USP34: variants seen among roughly 807,000 people sequenced by gnomAD.
The protein encoded by USP34 is ubiquitin carboxyl-terminal hydrolase 34.
A neutral mutation model predicts 460.3 loss-of-function variants in USP34; 70 were observed. The ratio of observed to expected loss-of-function variants is 0.15; its 90% CI spans 0.13 to 0.19. The LOEUF is 0.19. Among genes scored for constraint, USP34 ranks in the 10% least tolerant of loss-of-function variants. The pLI is 1.00. For synonymous variants in USP34, 1,647 were observed against 1,405.3 expected (o/e 1.17, Z -3.85); for missense variants, 3,985 against 4,236.2 (o/e 0.94, Z 1.65).
intron 21 of USP34, among the ~76,000 whole-genome samples, chr2:61,323,704 CAG>C (rs1213131498): frequency 6.6e-6 from 1 of 152,056 alleles, no homozygotes; most frequent in Non-Finnish European, 1.5e-5. Context: ...TGTAAATTCT[CAG>C]AGAATCTATA....
intron 21 of USP34, among the ~76,000 whole-genome samples, chr2:61,323,913 A>T (rs1691006028): frequency 6.6e-6 from 1 of 152,110 alleles, no homozygotes; most frequent in Non-Finnish European, 1.5e-5. Context: ...CTTATTTTTG[A>T]AATCTGTTAT....
rs971138155 is a variant in USP34, at chr2:61,339,243, T to A, written c.2744+108A>T. On this transcript the variant is annotated intron_variant, in intron 18 of 79. Coordinates refer to ENST00000398571, the MANE Select transcript of USP34 (RefSeq NM_014709.4). Reference sequence around the variant, plus strand: ...CTATAATTACTAAAAAACAGATTAATACAGGTATATGAAACAGTATAAAAA... The same window carrying A: ...CTATAATTACTAAAAAACAGATTAAAACAGGTATATGAAACAGTATAAAAA... The A allele has an allele frequency of 1.2e-5, 13 of 1,082,436 alleles. No individual in the cohort carries two copies. The African/African-American group carries it at 1.8e-4, about 15-fold the overall frequency. 67.1% of individuals were successfully genotyped at this position (1,082,436 alleles called of 1,614,324 possible).
chr2:61,391,382 C>T (rs1572995822), intron 5 of USP34, among the ~76,000 whole-genome samples: 1 of 152,092 alleles, frequency 6.6e-6, no homozygotes, highest in East Asian at 1.9e-4. Flanking sequence ...GGATCATTTC[C>T]TGAGTCCCAG....
chr2:61,407,303 A>G lies in USP34; in HGVS notation c.132-1175T>C, dbSNP rs576392986. 3.4e-5 allele frequency among the ~76,000 whole-genome samples: 5 copies of G among 148,842 alleles called. No homozygotes were observed. In the South Asian group the frequency reaches 1.1e-3, roughly 31 times the overall value. On this transcript the variant is annotated intron_variant, in intron 2 of 79. Coordinates refer to ENST00000398571, the MANE Select transcript of USP34 (RefSeq NM_014709.4). Reference sequence around the variant, plus strand: ...GCTATTCGAGAGGCTTGAGCCCAGGAGGCTGAGACAGCAGTGAACCCTGAT... The same window carrying G: ...GCTATTCGAGAGGCTTGAGCCCAGGGGGCTGAGACAGCAGTGAACCCTGAT...
Position 61,283,920 on chromosome 2 carries a change from G to A in USP34, c.4833-471C>T, listed in dbSNP as rs1310654157. On this transcript the variant is annotated intron_variant, in intron 35 of 79. Coordinates refer to ENST00000398571, the MANE Select transcript of USP34 (RefSeq NM_014709.4). ...GTAGAATAATGGTTACCAGAGGCTG[G>A]AGGGTGGGGTAGGGTAGGGTGGGGT... 2.6e-5 allele frequency among the ~76,000 whole-genome samples: 4 copies of A among 151,010 alleles called. No homozygotes were observed. In the East Asian group the frequency reaches 7.9e-4, roughly 30 times the overall value.
chr2:61,286,654 CA>C (rs199528159), intron 34 of USP34, among the ~76,000 whole-genome samples: 2 of 149,578 alleles, frequency 1.3e-5, no homozygotes, highest in African/African-American at 4.9e-5. Context: ...GGCTCCGTCT[CA>C]AAAAAAAACC....
intron 5 of USP34, among the ~76,000 whole-genome samples, chr2:61,385,735 T>G (rs1693121504): frequency 6.9e-6 from 1 of 144,182 alleles, no homozygotes; most frequent in African/African-American, 2.6e-5. Context: ...GACTCAGGCC[T>G]GTAATCCTAG....
chr2:61,417,491 G>T (rs1399625780), intron 2 of USP34: 1 of 230,738 alleles, frequency 4.3e-6, no homozygotes. Context: ...ATAGTTAACT[G>T]TACCTGAGAA....
At chr2:61,253,594 C>A (rs1247919131) in intron 48 of USP34, among the ~76,000 whole-genome samples, 2 of 152,176 alleles carry the variant, frequency 1.3e-5, no homozygotes, top group African/African-American at 4.8e-5. Flanking sequence ...GGAAAACCTC[C>A]TCTTAAGCAA....
chr2:61,228,653 G>C lies in USP34; in HGVS notation c.7435C>G (p.Pro2479Ala), dbSNP rs753589333. 6 of 1,611,074 alleles carry C rather than the reference G, an allele frequency of 3.7e-6. No individual in the cohort carries two copies. Among genetic ancestry groups the C allele is most frequent in the Non-Finnish European group, 5.1e-6 (6 of 1,178,826 alleles). ...MVHFYMGTKG[P>A]ENPQVEVLSE... ...GATAGAACTGTACTTACATTTTCAG[G>C]TCCTTTTGTTCCCATGTAAAAATGT... Residue 2479 changes from proline (P) to alanine (A), a missense_variant, in exon 61 of 80, where the codon CCT becomes GCT. By Grantham distance (27) the Pro-to-Ala change is conservative. This residue lies in a region of USP34 where 604 missense variants were observed against 684.8 expected (regional missense o/e 0.88). Coordinates refer to ENST00000398571, the MANE Select transcript of USP34 (RefSeq NM_014709.4).
intron 35 of USP34, 106 bp downstream of exon 35, chr2:61,284,769 T>TATC: frequency 1.2e-6 from 1 of 832,598 alleles, no homozygotes; most frequent in Non-Finnish European, 1.8e-6. Flanking sequence ...TTCATCATAA[T>TATC]ATCCCCCAAA....
intron 1 of USP34, among the ~76,000 whole-genome samples, chr2:61,451,973 A>G (rs1259664264): frequency 6.6e-6 from 1 of 151,966 alleles, no homozygotes; most frequent in African/African-American, 2.4e-5. Context: ...CAGGAGATCG[A>G]GACCATCCTG....
intron 35 of USP34, 99 bp from the exon 36 acceptor site, chr2:61,283,548 C>T: frequency 7.6e-7 from 1 of 1,314,012 alleles, no homozygotes; most frequent in Non-Finnish European, 1.0e-6. Context: ...TCACTTCCCC[C>T]CCAAAAAAGG....
chr2:61,291,426 G>A (rs1261793268), intron 33 of USP34, among the ~76,000 whole-genome samples: 1 of 152,154 alleles, frequency 6.6e-6, no homozygotes, highest in Non-Finnish European at 1.5e-5. Context: ...CCCAGAAACT[G>A]CACTCTATAC....
In USP34 at chr2:61,221,869, A is replaced by C; in HGVS notation, c.7795-263T>G. 3 of 301,352 alleles carry C rather than the reference A, an allele frequency of 1.0e-5. 1 individual carries two copies. The highest frequency in any genetic ancestry group is 1.8e-5 in the Non-Finnish European group (3 of 164,636). 18.7% of individuals were successfully genotyped at this position (301,352 alleles called of 1,614,324 possible). A position where few individuals can be genotyped will look rare whatever the true frequency, so the allele number is the denominator to read the frequency against. On this transcript the variant is annotated intron_variant, in intron 65 of 79. Transcript: ENST00000398571. The stretch of plus-strand genomic sequence containing the variant: ...AAAGATAATTATAAAAATATTCTCT[A>C]AATTGACAAACACTGTAAATACTTA...
chr2:61,425,289 T>A (rs1694479643), intron 1 of USP34, among the ~76,000 whole-genome samples: 1 of 151,946 alleles, frequency 6.6e-6, no homozygotes, highest in African/African-American at 2.4e-5. Context: ...CTGAAACACC[T>A]TCATAAAAAA....
intron 18 of USP34, among the ~76,000 whole-genome samples, chr2:61,336,288 G>A (rs899947625): frequency 2.0e-5 from 3 of 151,840 alleles, no homozygotes; most frequent in Non-Finnish European, 4.4e-5. Context: ...ACCATGCCCA[G>A]CTAATTTTAA....
intron 32 of USP34, among the ~76,000 whole-genome samples, chr2:61,293,807 G>T (rs1411187357): frequency 2.0e-5 from 3 of 152,098 alleles, no homozygotes; most frequent in Non-Finnish European, 4.4e-5. Context: ...TTGAGGTTAG[G>T]ACTTTGAGAC....
At chr2:61,218,239 G>A (rs1687459781) in intron 67 of USP34, among the ~76,000 whole-genome samples, 1 of 147,290 alleles carries the variant, frequency 6.8e-6, no homozygotes, top group Admixed American at 6.8e-5. Flanking sequence ...TTTGTTAAGA[G>A]CGCACAGCTC....
Sources: allele counts gnomAD v4.1 joint callset (sites outside exome capture counted in the v4.1 genomes callset), GRCh38; gene constraint gnomAD v4.1.1; regional missense constraint gnomAD v4.1.1; transcripts MANE v1.5; gene names NCBI Gene and HGNC (gene_info 2026-07-23, HGNC 2026-07-21).